The following ARHGAP22 variants were observed in gnomAD, a reference collection of about 807,000 sequenced individuals.
ARHGAP22 encodes rho GTPase-activating protein 22.
Under a neutral mutation model 59.1 loss-of-function variants are expected in ARHGAP22, and 48 were observed. The ratio of observed to expected loss-of-function variants is 0.81; its 90% CI spans 0.64 to 1.03. The LOEUF is 1.03. ARHGAP22 is among the 50% of genes least tolerant of loss of function. ARHGAP22 has a pLI of 0.00. For missense variants in ARHGAP22, 1,015 were observed against 958.7 expected (o/e 1.06, Z -0.78); for synonymous variants, 445 against 416.4 (o/e 1.07, Z -0.84).
intron 2 of ARHGAP22, among the ~76,000 whole-genome samples, chr10:48,579,049 T>A (rs560033164): frequency 6.6e-6 from 1 of 152,314 alleles, no homozygotes; most frequent in East Asian, 1.9e-4. Flanking sequence ...GTTTGTACCT[T>A]CTTTTGCCAT....
chr10:48,504,616 G>A (rs1409054704), intron 3 of ARHGAP22, among the ~76,000 whole-genome samples: 5 of 152,210 alleles, frequency 3.3e-5, no homozygotes, highest in Admixed American at 2.0e-4. Context: ...CAGGGGAGGC[G>A]GTTGGCAGAT....
rs534419580 is a variant in ARHGAP22 at position 48,634,424 on chromosome 10, A to G, written c.52+17810T>C. On this transcript the variant is annotated intron_variant, in intron 1 of 9. Transcript: ENST00000435790. ...GGTGAGCCTGCACTGTGGTTTGCCC[A>G]TTTCACAACCATTCCCAGAGTCAAA... 1.5e-3 allele frequency among the ~76,000 whole-genome samples: 232 copies of G among 152,332 alleles called. 1 individual carries two copies. Among genetic ancestry groups the G allele is most frequent in the African/African-American group, 5.2e-3 (218 of 41,578 alleles).
chr10:48,639,842 T>C (rs932761421), intron 1 of ARHGAP22, among the ~76,000 whole-genome samples: 2 of 151,976 alleles, frequency 1.3e-5, no homozygotes, highest in African/African-American at 4.8e-5. Context: ...GTGTGACTCA[T>C]ATGTAAAAAA....
At chr10:48,546,876 T>C (rs1367228638) in intron 3 of ARHGAP22, among the ~76,000 whole-genome samples, 3 of 152,180 alleles carry the variant, frequency 2.0e-5, no homozygotes, top group African/African-American at 7.2e-5. Flanking sequence ...GTACCTACTA[T>C]GAGCCAGGAT....
intron 3 of ARHGAP22, among the ~76,000 whole-genome samples, chr10:48,506,444 A>G (rs1218215978): frequency 1.3e-5 from 2 of 152,242 alleles, no homozygotes; most frequent in Non-Finnish European, 2.9e-5. Flanking sequence ...CCATGAAAAT[A>G]CAATACTATA....
At chr10:48,651,689 C>T (rs1433236502) in intron 1 of ARHGAP22, among the ~76,000 whole-genome samples, 1 of 152,192 alleles carries the variant, frequency 6.6e-6, no homozygotes, top group Non-Finnish European at 1.5e-5. Flanking sequence ...GTGACCCAAA[C>T]AAACAGTCAT....
rs541645356 is a variant in ARHGAP22 at position 48,641,091 on chromosome 10, A to G, written c.52+11143T>C. Among the ~76,000 whole-genome samples, 10 of 152,312 alleles carry G rather than the reference A, an allele frequency of 6.6e-5. No individual in the cohort carries two copies. The South Asian group carries it at 1.0e-3, about 16-fold the overall frequency. On this transcript the variant is annotated intron_variant, in intron 1 of 9. Coordinates refer to the ARHGAP22 transcript ENST00000435790. ...TGTAATCTCTAGAGCAAACACTAAG[A>G]CAACACAAAAAATACAGTAAAAAAT...
the ARHGAP22 span, chr10:48,430,468 A>T: frequency 3.3e-5 from 5 of 152,270 alleles, no homozygotes; most frequent in African/African-American, 1.2e-4. Flanking sequence ...TCTGATGATA[A>T]TATAAGTGAA....
chr10:48,598,115 G>C (rs2060174155), intron 1 of ARHGAP22, among the ~76,000 whole-genome samples: 1 of 152,386 alleles, frequency 6.6e-6, no homozygotes, highest in Non-Finnish European at 1.5e-5. Flanking sequence ...TGTGTTCTGA[G>C]TGTCTAAGAG....
chr10:48,583,055 C>T lies in ARHGAP22; in HGVS notation c.132G>A (p.Leu44=). 3 of 1,614,290 alleles carry T rather than the reference C, an allele frequency of 1.9e-6. No individual in the cohort carries two copies. Among genetic ancestry groups the T allele is most frequent in the Non-Finnish European group, 2.5e-6 (3 of 1,180,056 alleles). ...TCTTCATGATGCTCCTCTGCTTCTTCAGCCAGCCCGCCTTCAGCACGGGGC... is the reference window on the plus strand; with the variant it reads ...TCTTCATGATGCTCCTCTGCTTCTTTAGCCAGCCCGCCTTCAGCACGGGGC... ...RLGPVLKAGW[L]KKQRSIMKNW... The change falls in exon 2 of 10, where the codon CTG becomes CTA. Residue 44 remains leucine, a synonymous_variant. Transcript: ENST00000249601.
intron 3 of ARHGAP22, among the ~76,000 whole-genome samples, chr10:48,494,218 G>C (rs2050699564): frequency 1.3e-5 from 2 of 152,184 alleles, no homozygotes; most frequent in South Asian, 4.1e-4. Context: ...CAGTGGCCCA[G>C]GGTCACCACG....
At chr10:48,643,949 A>G (rs2136176261) in intron 1 of ARHGAP22, among the ~76,000 whole-genome samples, 1 of 152,164 alleles carries the variant, frequency 6.6e-6, no homozygotes, top group African/African-American at 2.4e-5. Context: ...GGAGTTTGAG[A>G]CCAGCCTAAA....
chr10:48,567,117 T>A (rs1443211174), intron 2 of ARHGAP22, among the ~76,000 whole-genome samples: 1 of 152,192 alleles, frequency 6.6e-6, no homozygotes. Flanking sequence ...AGCCAGGACC[T>A]TGCACTAGAC....
intron 1 of ARHGAP22, among the ~76,000 whole-genome samples, chr10:48,649,428 G>A (rs1256247849): frequency 3.3e-5 from 5 of 152,230 alleles, no homozygotes; most frequent in Non-Finnish European, 7.3e-5. Context: ...GTGCAGGTCA[G>A]GGATTTGGGG....
At chr10:48,581,165 A>C (rs2059096206) in intron 2 of ARHGAP22, among the ~76,000 whole-genome samples, 2 of 152,210 alleles carry the variant, frequency 1.3e-5, no homozygotes, top group Admixed American at 1.3e-4. Flanking sequence ...GTTCTCCTGA[A>C]CCAACCCATC....
intron 1 of ARHGAP22, among the ~76,000 whole-genome samples, chr10:48,584,920 G>A (rs2059335790): frequency 6.6e-6 from 1 of 151,666 alleles, no homozygotes; most frequent in African/African-American, 2.4e-5. Context: ...CCTGAATCCG[G>A]GAGGCGGAGC....
chr10:48,573,872 A>T (rs1475034576), intron 2 of ARHGAP22, among the ~76,000 whole-genome samples: 2 of 152,208 alleles, frequency 1.3e-5, no homozygotes, highest in Non-Finnish European at 2.9e-5. Context: ...TCCAAATATT[A>T]TGGTTTTTTC....
chr10:48,556,005 A>C (rs7896644), intron 2 of ARHGAP22, among the ~76,000 whole-genome samples: 112,367 of 152,056 alleles, frequency 0.74, 42,087 homozygotes, highest in East Asian at 0.91. Context: ...GTGAGATTTC[A>C]TTTCTTTACC....
intron 3 of ARHGAP22, among the ~76,000 whole-genome samples, chr10:48,537,028 G>A (rs2055425305): frequency 6.6e-6 from 1 of 152,056 alleles, no homozygotes; most frequent in East Asian, 1.9e-4. Flanking sequence ...AAAAATTCCT[G>A]TTATACAGGA....
Sources: gnomAD v4.1 joint callset for allele counts (sites outside exome capture counted in the v4.1 genomes callset) on GRCh38, gnomAD v4.1.1 for gene constraint, MANE v1.5 for transcripts, NCBI Gene and HGNC (gene_info 2026-07-23, HGNC 2026-07-21) for gene names.